XKR4: variants seen among roughly 807,000 people sequenced by gnomAD.
The protein encoded by XKR4 is XK-related protein 4.
Under a neutral mutation model 53.9 loss-of-function variants are expected in XKR4, and 12 were observed. That is an observed-to-expected ratio of 0.22 (90% CI 0.14 to 0.36). The LOEUF (loss-of-function observed/expected upper bound fraction) is 0.36, where lower values mean the gene tolerates loss of function less well. Among genes scored for constraint, XKR4 ranks in the 10% least tolerant of loss-of-function variants. The probability of loss-of-function intolerance (pLI) is 1.00; values close to 1 mark genes in which losing one functional copy is unlikely to be tolerated. For missense variants in XKR4, 799 were observed against 859.5 expected (o/e 0.93, Z 0.88); for synonymous variants, 354 against 362.4 (o/e 0.98, Z 0.26).
At chr8:55,478,613 T>A (rs1747085439) in intron 2 of XKR4, among the ~76,000 whole-genome samples, 1 of 152,094 alleles carries the variant, frequency 6.6e-6, no homozygotes. Context: ...GCAAATTGGA[T>A]AAAGAGTCAA....
Position 55,533,665 on chromosome 8 carries a change from G to A in XKR4, c.*9438G>A, listed in dbSNP as rs1176227877. On this transcript the variant is annotated 3_prime_UTR_variant, in exon 3 of 3. Coordinates refer to ENST00000327381, the MANE Select transcript of XKR4 (RefSeq NM_052898.2). ...TCTTTTTCTACAGAAACATCTTGGA[G>A]CTTGTCAAGCTTTACTGGAGGTGAT... The A allele has an allele frequency of 2.0e-5, 3 of 152,334 alleles. No individual in the cohort carries two copies. The highest frequency in any genetic ancestry group is 3.9e-4 in the East Asian group (2 of 5,186). 9.4% of individuals were successfully genotyped at this position (152,334 alleles called of 1,614,324 possible).
chr8:55,445,532 C>T (rs1805334711), intron 2 of XKR4, among the ~76,000 whole-genome samples: 1 of 152,044 alleles, frequency 6.6e-6, no homozygotes, highest in Non-Finnish European at 1.5e-5. Context: ...ATATTTTCTC[C>T]CTAAGAGAAA....
chr8:55,275,056 A>G (rs1379674236), intron 1 of XKR4, among the ~76,000 whole-genome samples: 1 of 152,230 alleles, frequency 6.6e-6, no homozygotes, highest in African/African-American at 2.4e-5. Context: ...TGAGAAGTTT[A>G]TGTATTTTGC....
At chr8:55,495,778 A>G (rs1215798708) in intron 2 of XKR4, among the ~76,000 whole-genome samples, 1 of 152,220 alleles carries the variant, frequency 6.6e-6, no homozygotes, top group African/African-American at 2.4e-5. Context: ...AAAGCACAGG[A>G]GACCCACCAC....
chr8:55,305,084 G>A (rs567475799), intron 1 of XKR4, among the ~76,000 whole-genome samples: 1 of 152,204 alleles, frequency 6.6e-6, no homozygotes, highest in East Asian at 1.9e-4. Flanking sequence ...AGCCAGTGGC[G>A]ATGGGACTAC....
chr8:55,354,981 G>T (rs1180911197), intron 1 of XKR4, among the ~76,000 whole-genome samples: 1 of 149,908 alleles, frequency 6.7e-6, no homozygotes, highest in Non-Finnish European at 1.5e-5. Context: ...TCGGCTCACT[G>T]CAACCTCCGC....
At chr8:55,142,228 T>C (rs1816716486) in intron 1 of XKR4, 1 of 455,710 alleles carries the variant, frequency 2.2e-6, no homozygotes, top group African/African-American at 2.0e-5. Flanking sequence ...CTTCATGTCA[T>C]TGAAACTTGC....
At chr8:55,453,585 C>G (rs938316508) in intron 2 of XKR4, 2 of 394,100 alleles carry the variant, frequency 5.1e-6, no homozygotes, top group African/African-American at 2.1e-5. Context: ...CTCCTCCCAG[C>G]CTTCATGGCT....
intron 1 of XKR4, among the ~76,000 whole-genome samples, chr8:55,195,263 T>G (rs2129361502): frequency 7.1e-6 from 1 of 141,750 alleles, no homozygotes; most frequent in East Asian, 2.0e-4. Context: ...ATATAACGTT[T>G]ATGTTTTTGA....
At chr8:55,173,807 C>G (rs947324590) in intron 1 of XKR4, among the ~76,000 whole-genome samples, 4 of 152,200 alleles carry the variant, frequency 2.6e-5, no homozygotes, top group Non-Finnish European at 5.9e-5. Flanking sequence ...AACAATTTGG[C>G]TGGTGGGCAC....
chr8:55,253,427 G>T (rs1232275242), intron 1 of XKR4, among the ~76,000 whole-genome samples: 1 of 152,080 alleles, frequency 6.6e-6, no homozygotes, highest in Non-Finnish European at 1.5e-5. Flanking sequence ...TTTCTACTGG[G>T]TTTATTTTTA....
intron 1 of XKR4, among the ~76,000 whole-genome samples, chr8:55,145,660 TTTTA>T (rs1392936656): frequency 2.0e-5 from 3 of 152,248 alleles, no homozygotes; most frequent in African/African-American, 7.2e-5. Context: ...ACTCAAGCTG[TTTTA>T]TTTGCTATTC....
chr8:55,462,918 G>A (rs951811705), intron 2 of XKR4, among the ~76,000 whole-genome samples: 1 of 152,126 alleles, frequency 6.6e-6, no homozygotes, highest in African/African-American at 2.4e-5. Flanking sequence ...TCAAAAAGAA[G>A]AACTAACTAT....
At chr8:55,461,956 A>G (rs1362518587) in intron 2 of XKR4, among the ~76,000 whole-genome samples, 2 of 152,232 alleles carry the variant, frequency 1.3e-5, no homozygotes, top group Non-Finnish European at 1.5e-5. Context: ...CAAAGCCTCC[A>G]AGAAATATGG....
At chr8:55,290,130 ATT>A (rs1203712190) in intron 1 of XKR4, among the ~76,000 whole-genome samples, 10 of 137,848 alleles carry the variant, frequency 7.3e-5, no homozygotes, top group African/African-American at 8.0e-5. Context: ...CTTTAATTTA[ATT>A]TTTTTTTTTT....
intron 1 of XKR4, among the ~76,000 whole-genome samples, chr8:55,154,959 G>A (rs1321032179): frequency 1.3e-5 from 2 of 152,094 alleles, no homozygotes; most frequent in Non-Finnish European, 2.9e-5. Flanking sequence ...GACCAAATCA[G>A]GGAACGTCAG....
rs543032288 is a variant in XKR4 at position 55,540,647 on chromosome 8, G to A, written c.*16420G>A. 1 of 152,272 alleles carries A rather than the reference G, an allele frequency of 6.6e-6. No individual in the cohort carries two copies. Among genetic ancestry groups the A allele is most frequent in the East Asian group, 1.9e-4 (1 of 5,190 alleles). 9.4% of individuals were successfully genotyped at this position (152,272 alleles called of 1,614,324 possible). A position where few individuals can be genotyped will look rare whatever the true frequency, so the allele number is the denominator to read the frequency against. On this transcript the variant is annotated 3_prime_UTR_variant, in exon 3 of 3. Transcript: ENST00000327381. Reference sequence around the variant, plus strand: ...TCTCAGAACAAAGACAGCAACCAATGAGCCAGAGGTTTCTTCTCTCTTTGA... The same window carrying A: ...TCTCAGAACAAAGACAGCAACCAATAAGCCAGAGGTTTCTTCTCTCTTTGA...
chr8:55,155,086 T>G (rs1816886464), intron 1 of XKR4, among the ~76,000 whole-genome samples: 1 of 152,182 alleles, frequency 6.6e-6, no homozygotes, highest in Non-Finnish European at 1.5e-5. Context: ...CAGAAGTTGA[T>G]TCTCTAGAGA....
At chr8:55,209,472 C>G (rs1460051109) in intron 1 of XKR4, among the ~76,000 whole-genome samples, 2 of 152,176 alleles carry the variant, frequency 1.3e-5, no homozygotes, top group African/African-American at 4.8e-5. Context: ...GCTGTGCATC[C>G]TCCACCTGAT....
Sources: allele counts gnomAD v4.1 joint callset (sites outside exome capture counted in the v4.1 genomes callset), GRCh38; gene constraint gnomAD v4.1.1; transcripts MANE v1.5; gene names NCBI Gene and HGNC (gene_info 2026-07-23, HGNC 2026-07-21).